The following VSTM1 variants were observed in gnomAD, a reference collection of about 807,000 sequenced individuals.
VSTM1 encodes V-set and transmembrane domain containing 1, also known as V-set and transmembrane domain-containing protein 1.
VSTM1 carries 27 observed loss-of-function variants against 33.1 expected under a neutral mutation model. The ratio of observed to expected loss-of-function variants is 0.82; its 90% CI spans 0.60 to 1.12. The LOEUF (loss-of-function observed/expected upper bound fraction) is 1.12. Among genes scored for constraint, VSTM1 ranks in the 50% most tolerant of loss-of-function variants. The probability of loss-of-function intolerance (pLI) is 0.00; values close to 1 mark genes in which losing one functional copy is unlikely to be tolerated. For missense variants in VSTM1, 304 were observed against 288.9 expected, an observed-to-expected ratio of 1.05 and a Z score of -0.38; for synonymous variants, 115 against 110.3, an observed-to-expected ratio of 1.04 and a Z score of -0.27.
intron 4 of VSTM1, among the ~76,000 whole-genome samples, chr19:54,042,583 G>A (rs2070345064): frequency 6.6e-6 from 1 of 151,726 alleles, no homozygotes; most frequent in Non-Finnish European, 1.5e-5. Context: ...AGCAGCAGTA[G>A]CTACTTTATT....
intron 4 of VSTM1, chr19:54,048,339 C>T: frequency 2.6e-6 from 1 of 381,780 alleles, no homozygotes; most frequent in South Asian, 1.8e-5. Flanking sequence ...TGGTCTTGAA[C>T]CCCTGGGCTC....
Position 54,042,263 on chromosome 19 carries a change from T to C in VSTM1, c.487+14A>G. The C allele has an allele frequency of 6.2e-7, 1 of 1,613,794 alleles. No homozygotes were observed. The highest frequency in any genetic ancestry group is 1.3e-5 in the African/African-American group (1 of 74,926). On this transcript the variant is annotated intron_variant, in intron 5 of 8. Transcript: ENST00000338372. ...TTCACTCCCCCTCTCTCCCTTTGCG[T>C]TCTCTGAGCTCACTGTGCTGGCTGC...
chr19:54,049,085 A>AAAAAAC (rs1201438215), intron 4 of VSTM1, among the ~76,000 whole-genome samples: 1 of 152,204 alleles, frequency 6.6e-6, no homozygotes, highest in East Asian at 1.9e-4. Context: ...CTCCGTCTCA[A>AAAAAAC]AAAAACAAAA....
chr19:54,060,308 A>G (rs1283767406), intron 1 of VSTM1, among the ~76,000 whole-genome samples: 1 of 152,102 alleles, frequency 6.6e-6, no homozygotes, highest in East Asian at 1.9e-4. Context: ...CCCGCTGGGA[A>G]GGTAGCGTCT....
In VSTM1 at chr19:54,059,286, C is replaced by T. The variant is rs566141351; in HGVS notation, c.35-554G>A. On this transcript the variant is annotated intron_variant, in intron 1 of 8. Coordinates refer to ENST00000338372, the MANE Select transcript of VSTM1 (RefSeq NM_198481.4). ...ATGTTGGCCAGGCTGGTCTTGAACT[C>T]CTGACCTCAGGTGATCCACACGCCT... Among the ~76,000 whole-genome samples, 119 of 152,148 alleles carry T rather than the reference C, an allele frequency of 7.8e-4. No individual in the cohort carries two copies. The Middle Eastern group carries it at 0.01, about 13-fold the overall frequency.
At chr19:54,058,800 G>GT in intron 1 of VSTM1, 68 bp from the exon 2 acceptor site, 1 of 1,345,992 alleles carries the variant, frequency 7.4e-7, no homozygotes, top group South Asian at 1.2e-5. Context: ...AGCAGAGAAC[G>GT]TATGACTAGC....
intron 4 of VSTM1, chr19:54,048,379 G>A (rs1304941610): frequency 2.5e-6 from 1 of 397,614 alleles, no homozygotes; most frequent in East Asian, 8.9e-5. Context: ...TCTTCCCAAA[G>A]TCCTGGTATT....
At chr19:54,048,929 C>T (rs1317901271) in intron 4 of VSTM1, among the ~76,000 whole-genome samples, 1 of 152,028 alleles carries the variant, frequency 6.6e-6, no homozygotes, top group African/African-American at 2.4e-5. Flanking sequence ...ACTAAAAATA[C>T]ACAAATTAGC....
intron 1 of VSTM1, among the ~76,000 whole-genome samples, chr19:54,059,447 T>G (rs1452731404): frequency 6.6e-6 from 1 of 152,156 alleles, no homozygotes; most frequent in African/African-American, 2.4e-5. Context: ...TATGCTTTTT[T>G]CTGGTATTTT....
At position 54,047,220 on chromosome 19, in the gene VSTM1, A is replaced by G. The variant is rs910832144; in HGVS notation, c.394+4190T>C. Among the ~76,000 whole-genome samples, 3 of 152,220 alleles carry G rather than the reference A, an allele frequency of 2.0e-5. No individual in the cohort carries two copies. In the East Asian group the frequency reaches 5.8e-4, roughly 29 times the overall value. On this transcript the variant is annotated intron_variant, in intron 4 of 8. Transcript: ENST00000338372. ...CAAAACTAAATAAATAATAAATAAA[A>G]TAAAACGTCACTTTCACACTAATGC...
chr19:54,042,081 G>A (rs749086232), intron 6 of VSTM1, 88 bp downstream of exon 6: 106 of 1,606,596 alleles, frequency 6.6e-5, no homozygotes, highest in Non-Finnish European at 8.9e-5. Context: ...TGGGGTGGGG[G>A]CTCAGGGTGC....
In VSTM1 at chr19:54,040,949, G is replaced by A; in HGVS notation, c.*12C>T. ...GATCCCCCCTCCTTTAGTGGCCAGG[G>A]CTGTCTTCTTGCTACACTTTCAGTG... is the stretch of plus-strand genomic sequence containing the variant. On this transcript the variant is annotated 3_prime_UTR_variant, in exon 9 of 9. Coordinates refer to ENST00000338372, the MANE Select transcript of VSTM1 (RefSeq NM_198481.4). 6.2e-7 allele frequency: 1 copy of A among 1,605,958 alleles called. No homozygotes were observed. Among genetic ancestry groups the A allele is most frequent in the South Asian group, 1.1e-5 (1 of 90,380 alleles).
intron 4 of VSTM1, among the ~76,000 whole-genome samples, chr19:54,045,915 CTAT>C (rs1157945902): frequency 2.0e-5 from 3 of 152,018 alleles, no homozygotes; most frequent in Non-Finnish European, 4.4e-5. Context: ...TCTATCTTAT[CTAT>C]TATATCTAGT....
chr19:54,047,948 C>T (rs1433026243), intron 4 of VSTM1, among the ~76,000 whole-genome samples: 6 of 152,066 alleles, frequency 3.9e-5, no homozygotes, highest in Non-Finnish European at 7.4e-5. Context: ...CAGCCTGACA[C>T]GGGGCATAAA....
chr19:54,060,044 G>A (rs1249917928), intron 1 of VSTM1, among the ~76,000 whole-genome samples: 1 of 150,626 alleles, frequency 6.6e-6, no homozygotes, highest in Non-Finnish European at 1.5e-5. Flanking sequence ...AGTAGAGACG[G>A]GGTTTCACTG....
At chr19:54,045,215 C>G (rs1411961621) in intron 4 of VSTM1, among the ~76,000 whole-genome samples, 1 of 152,182 alleles carries the variant, frequency 6.6e-6, no homozygotes, top group Non-Finnish European at 1.5e-5. Flanking sequence ...ATTTATCTAT[C>G]TCGCTAATCT....
rs747578220 is a variant in VSTM1, at chr19:54,058,716, G to A, written c.51C>T (p.Tyr17=). ...ACTCACCATTCTTTTTCTCATCTTC[G>A]TAGCCCAGACACAGCCCTGGAAGAG... ...SLLCLGLCLG[Y]EDEKKNEKPP... The change falls in exon 2 of 9, where the codon TAC becomes TAT. Residue 17 remains tyrosine, a synonymous_variant. Transcript: ENST00000338372. The A allele has an allele frequency of 1.8e-5, 29 of 1,613,622 alleles. No homozygotes were observed. The highest frequency in any genetic ancestry group is 1.3e-4 in the South Asian group (12 of 91,068).
In VSTM1 at chr19:54,042,831, TATATATAC is replaced by T. The variant is rs1466812812; in HGVS notation, c.395-470_395-463del. ...GTATATATATATATATATATATATA[TATATATAC>T]ATATATATATATATATACACACTTT... On this transcript the variant is annotated intron_variant, in intron 4 of 8. Coordinates refer to ENST00000338372, the MANE Select transcript of VSTM1 (RefSeq NM_198481.4). 2.3e-3 allele frequency among the ~76,000 whole-genome samples: 168 copies of T among 74,012 alleles called. 1 individual carries two copies. Among genetic ancestry groups the T allele is most frequent in the African/African-American group, 8.1e-3 (161 of 19,862 alleles). 48.6% of individuals were successfully genotyped at this position (74,012 alleles called of 152,430 possible).
At position 54,042,360 on chromosome 19, in the gene VSTM1, G is replaced by T; in HGVS notation, c.404C>A (p.Thr135Asn). Residue 135 changes from threonine to asparagine, a missense_variant, in exon 5 of 9, where the codon ACC (threonine) becomes AAC (asparagine). By Grantham distance (65) the Thr-to-Asn change is moderately conservative (BLOSUM62 0). Transcript: ENST00000338372. ...EAPSMKTDTRTIFVAIFSCIS... is the reference protein window; with the variant it reads ...EAPSMKTDTRNIFVAIFSCIS... The stretch of plus-strand genomic sequence containing the variant: ...GCAGCTGAAGATGGCGACAAAGATG[G>T]TTCTGGTGTCTGGAGGGGGAAGAGC... 1 of 1,613,626 alleles carries T rather than the reference G, an allele frequency of 6.2e-7. No homozygotes were observed. The highest frequency in any genetic ancestry group is 8.5e-7 in the Non-Finnish European group (1 of 1,179,862).
Sources: allele counts gnomAD v4.1 joint callset (sites outside exome capture counted in the v4.1 genomes callset), GRCh38; gene constraint gnomAD v4.1.1; transcripts MANE v1.5; gene names NCBI Gene and HGNC (gene_info 2026-07-23, HGNC 2026-07-21).